The following DIP2C variants were observed in gnomAD, a reference collection of about 807,000 sequenced individuals.
DIP2C encodes the protein disco-interacting protein 2 homolog C.
A neutral mutation model predicts 192.4 loss-of-function variants in DIP2C; 33 were observed. The observed-to-expected ratio is 0.17, with a 90% CI of 0.13 to 0.23. DIP2C has a LOEUF of 0.23. Among genes scored for constraint, DIP2C ranks in the 10% least tolerant of loss-of-function variants. DIP2C has a pLI of 1.00. For missense variants in DIP2C, 1,537 were observed against 2,110.1 expected (o/e 0.73, Z 5.32); for synonymous variants, 979 against 864.1 (o/e 1.13, Z -2.33).
intron 14 of DIP2C, among the ~76,000 whole-genome samples, chr10:384,991 A>C (rs1962757952): frequency 6.7e-6 from 1 of 150,106 alleles, no homozygotes; most frequent in African/African-American, 2.5e-5. Flanking sequence ...ACCAGGCTGC[A>C]AGGGCCCGGA....
intron 1 of DIP2C, among the ~76,000 whole-genome samples, chr10:558,954 TC>T (rs1184279983): frequency 1.8e-4 from 2 of 11,368 alleles, no homozygotes; most frequent in Non-Finnish European, 3.9e-4. Context: ...GCCCAACCCC[TC>T]CCCCGGCAGA....
At chr10:642,464 A>G (rs1298094939) in intron 1 of DIP2C, among the ~76,000 whole-genome samples, 1 of 152,280 alleles carries the variant, frequency 6.6e-6, no homozygotes, top group Non-Finnish European at 1.5e-5. Flanking sequence ...GCAAGTGTCC[A>G]GGCACCAGGC....
intron 32 of DIP2C, among the ~76,000 whole-genome samples, chr10:291,244 C>T (rs146351561): frequency 1.1e-4 from 17 of 152,356 alleles, no homozygotes; most frequent in Admixed American, 9.8e-4. Flanking sequence ...CGAAGCAAGA[C>T]GGAATCTCAG....
At chr10:660,981 T>G (rs1278334379) in intron 1 of DIP2C, among the ~76,000 whole-genome samples, 1 of 152,210 alleles carries the variant, frequency 6.6e-6, no homozygotes, top group Non-Finnish European at 1.5e-5. Context: ...ACGAGGCATT[T>G]CAGGCAAAAA....
intron 9 of DIP2C, among the ~76,000 whole-genome samples, chr10:405,933 CCCT>C (rs1964774249): frequency 1.3e-5 from 2 of 152,220 alleles, no homozygotes; most frequent in South Asian, 2.1e-4. Flanking sequence ...TCCTCGAGAG[CCCT>C]TCTCAGATAA....
intron 1 of DIP2C, chr10:668,659 AAC>A (rs1857262180): frequency 6.6e-6 from 1 of 152,286 alleles, no homozygotes; most frequent in South Asian, 2.1e-4. Flanking sequence ...ACGCTCATAC[AAC>A]ACATTCATAC....
chr10:294,530 G>A lies in DIP2C; in HGVS notation c.3987-6109C>T, dbSNP rs111361372. Among the ~76,000 whole-genome samples the A allele has an allele frequency of 9.8e-4, 148 of 151,794 alleles. 1 individual carries two copies. In the South Asian group the frequency reaches 0.014, roughly 15 times the overall value. On this transcript the variant is annotated intron_variant, in intron 32 of 36. Transcript: ENST00000280886. Reference sequence around the variant, plus strand: ...TATCAACTGAGTTTGTGAGGCAGAGGTCACAGTGAGCTGGGATCATGCCAC... The same window carrying A: ...TATCAACTGAGTTTGTGAGGCAGAGATCACAGTGAGCTGGGATCATGCCAC...
intron 1 of DIP2C, among the ~76,000 whole-genome samples, chr10:577,936 T>C (rs1850279462): frequency 1.3e-5 from 2 of 152,192 alleles, no homozygotes; most frequent in Admixed American, 1.3e-4. Flanking sequence ...AGACAGACTG[T>C]CCTTCTGTTC....
chr10:681,133 C>T (rs1482625656), intron 1 of DIP2C, among the ~76,000 whole-genome samples: 1 of 151,776 alleles, frequency 6.6e-6, no homozygotes, highest in Non-Finnish European at 1.5e-5. Context: ...GAATGCAGAC[C>T]CTCAGTCCCA....
At chr10:560,621 G>A (rs1391979953) in intron 1 of DIP2C, among the ~76,000 whole-genome samples, 1 of 152,134 alleles carries the variant, frequency 6.6e-6, no homozygotes, top group Non-Finnish European at 1.5e-5. Context: ...AAAACACATT[G>A]ACTTTCAAAT....
At chr10:520,764 G>A (rs1846652346) in intron 1 of DIP2C, among the ~76,000 whole-genome samples, 1 of 152,178 alleles carries the variant, frequency 6.6e-6, no homozygotes, top group South Asian at 2.1e-4. Context: ...AAAATTCTAA[G>A]ACCCCTTGGG....
At chr10:576,345 G>A (rs1274836651) in intron 1 of DIP2C, among the ~76,000 whole-genome samples, 2 of 152,200 alleles carry the variant, frequency 1.3e-5, no homozygotes, top group African/African-American at 2.4e-5. Context: ...ACTCATACGT[G>A]TGTTGAAAGG....
chr10:363,826 T>C lies in DIP2C; in HGVS notation c.2478-515A>G, dbSNP rs1959840638. Among the ~76,000 whole-genome samples the C allele has an allele frequency of 6.6e-6, 1 of 152,214 alleles. No individual in the cohort carries two copies. Among genetic ancestry groups the C allele is most frequent in the Non-Finnish European group, 1.5e-5 (1 of 68,032 alleles). On this transcript the variant is annotated intron_variant, in intron 20 of 36. Coordinates refer to ENST00000280886, the MANE Select transcript of DIP2C (RefSeq NM_014974.3). The surrounding 1 kb of genome is among the most constrained non-coding windows in gnomAD (Gnocchi z 5.4). ...AAGGCAGCAACATCATATCCAGGTA[T>C]CTACTTCCTGCTCCCATCAGCTTCC...
intron 1 of DIP2C, among the ~76,000 whole-genome samples, chr10:598,234 C>A (rs1489264348): frequency 6.6e-6 from 1 of 152,214 alleles, no homozygotes; most frequent in Non-Finnish European, 1.5e-5. Context: ...GGCCTCCCTC[C>A]CCACCCCAAG....
At chr10:536,805 T>G (rs1232330401) in intron 1 of DIP2C, among the ~76,000 whole-genome samples, 1 of 151,866 alleles carries the variant, frequency 6.6e-6, no homozygotes, top group Non-Finnish European at 1.5e-5. Flanking sequence ...AACAGAAGAG[T>G]GTGTGGGAAA....
chr10:470,064 C>T (rs906272024), intron 3 of DIP2C, among the ~76,000 whole-genome samples: 15 of 151,870 alleles, frequency 9.9e-5, no homozygotes, highest in Admixed American at 4.6e-4. Flanking sequence ...GATAGATGGA[C>T]GGATGGTGGA....
chr10:404,386 T>A lies in DIP2C; in HGVS notation c.1149+4540A>T, dbSNP rs546657569. On this transcript the variant is annotated intron_variant, in intron 9 of 36. Coordinates refer to ENST00000280886, the MANE Select transcript of DIP2C (RefSeq NM_014974.3). Reference sequence around the variant, plus strand: ...ACCACACTCAGCCAATTTTTTTCTATTTTTTGTAGATACAGGGTTTCACCA... The same window carrying A: ...ACCACACTCAGCCAATTTTTTTCTAATTTTTGTAGATACAGGGTTTCACCA... Among the ~76,000 whole-genome samples the A allele has an allele frequency of 2.8e-4, 43 of 152,260 alleles. 1 individual carries two copies. Among genetic ancestry groups the A allele is most frequent in the African/African-American group, 1.0e-3 (42 of 41,552 alleles).
At chr10:619,545 T>TCCCTCCCTCCCTCCCTCCCTCCCA (rs1554757207) in intron 1 of DIP2C, among the ~76,000 whole-genome samples, 1 of 15,810 alleles carries the variant, frequency 6.3e-5, no homozygotes, top group African/African-American at 2.4e-4. Flanking sequence ...CCGCCCGCCC[T>TCCCTCCCTCCCTCCCTCCCTCCCA]CCCACCCAGC....
At chr10:531,688 C>T (rs1384616142) in intron 1 of DIP2C, among the ~76,000 whole-genome samples, 3 of 152,066 alleles carry the variant, frequency 2.0e-5, no homozygotes, top group Admixed American at 6.6e-5. Flanking sequence ...CTTGGCCTGT[C>T]CTGGGGTGTG....
Sources: gnomAD v4.1 joint callset for allele counts (sites outside exome capture counted in the v4.1 genomes callset) on GRCh38, gnomAD v4.1.1 for gene constraint, Gnocchi (gnomAD v3.1) non-coding constraint, MANE v1.5 for transcripts, NCBI Gene and HGNC (gene_info 2026-07-23, HGNC 2026-07-21) for gene names.